The following PRR12 variants were observed in gnomAD, a reference collection of about 807,000 sequenced individuals.
PRR12 encodes the protein proline-rich protein 12.
In PRR12, 12 loss-of-function variants were observed where a neutral mutation model predicts 138.0. The ratio of observed to expected loss-of-function variants is 0.09; its 90% confidence interval spans 0.06 to 0.14. PRR12 has a LOEUF of 0.14. PRR12 is among the 10% of genes least tolerant of loss of function. The pLI, the probability that PRR12 is intolerant of heterozygous loss-of-function variation, is 1.00. For synonymous variants in PRR12, 1,567 were observed against 1,291.7 expected (o/e 1.21, Z -4.57); for missense variants, 2,692 against 2,861.3 (o/e 0.94, Z 1.35).
At chr19:49,621,902 C>CT in intron 11 of PRR12, 1 of 475,952 alleles carries the variant, frequency 2.1e-6, no homozygotes, top group South Asian at 2.6e-5. Flanking sequence ...CAAACATAGA[C>CT]TAGGCCTGCA....
chr19:49,603,825 T>C (rs145687380), intron 6 of PRR12, among the ~76,000 whole-genome samples: 1 of 152,100 alleles, frequency 6.6e-6, no homozygotes, highest in East Asian at 1.9e-4. Flanking sequence ...TACACTTTTT[T>C]CTTTTCTTTT....
At chr19:49,602,350 A>T (rs1214873052) in intron 6 of PRR12, among the ~76,000 whole-genome samples, 3 of 152,188 alleles carry the variant, frequency 2.0e-5, no homozygotes, top group Non-Finnish European at 4.4e-5. Flanking sequence ...AATGGTGGAA[A>T]TGTGTCATTG....
intron 5 of PRR12, among the ~76,000 whole-genome samples, chr19:49,600,167 A>C (rs2122311938): frequency 6.6e-6 from 1 of 152,310 alleles, no homozygotes; most frequent in East Asian, 1.9e-4. Flanking sequence ...CAAGGCAGAC[A>C]CTGGAGAATG....
At chr19:49,602,606 C>T (rs994577074) in intron 6 of PRR12, among the ~76,000 whole-genome samples, 14 of 152,252 alleles carry the variant, frequency 9.2e-5, no homozygotes, top group Admixed American at 4.6e-4. Context: ...GGCTGGAGTG[C>T]GATGGCTCAA....
At position 49,625,015 on chromosome 19, in the gene PRR12, A is replaced by C. The variant is rs749286125; in HGVS notation, c.5868+25A>C. On this transcript the variant is annotated intron_variant, in intron 12 of 13. Transcript: ENST00000418929. The surrounding 1 kb of genome is among the most constrained non-coding windows in gnomAD (Gnocchi z 5.5). ...GGTGGGCACTGGGGCTGGGGCTGGG[A>C]GTGGGGAGTGCTGGCGGTATGTGGG... 1 of 1,608,184 alleles carries C rather than the reference A, an allele frequency of 6.2e-7. No homozygotes were observed. Among genetic ancestry groups the C allele is most frequent in the Non-Finnish European group, 8.5e-7 (1 of 1,176,374 alleles).
chr19:49,600,449 G>A (rs1328868685), intron 5 of PRR12, among the ~76,000 whole-genome samples: 6 of 150,312 alleles, frequency 4.0e-5, no homozygotes, highest in Non-Finnish European at 8.9e-5. Flanking sequence ...TGAGAGGTGG[G>A]AGCTTACAGG....
rs780828362 is a variant in PRR12 at position 49,614,920 on chromosome 19, C to G, written c.4935C>G (p.Leu1645=). 6 of 1,613,958 alleles carry G rather than the reference C, an allele frequency of 3.7e-6. No individual in the cohort carries two copies. In the Admixed American group the frequency reaches 1.0e-4, roughly 27 times the overall value. The change falls in exon 8 of 14, where the codon CTC becomes CTG. Residue 1645 remains leucine, a synonymous_variant. Transcript: ENST00000418929. The surrounding 1 kb of genome is among the most constrained non-coding windows in gnomAD (Gnocchi z 5.0). The part of the protein sequence containing the change: ...FGDAKNRYQR[L]YVKFLENVNK... ...ATGCAAAAAATCGGTACCAGCGCCTCTATGTAAAGTTCCTGGAAAATGTCA... is the reference window on the plus strand; with the variant it reads ...ATGCAAAAAATCGGTACCAGCGCCTGTATGTAAAGTTCCTGGAAAATGTCA...
intron 6 of PRR12, among the ~76,000 whole-genome samples, chr19:49,611,649 C>T (rs1599796996): frequency 6.8e-6 from 1 of 146,234 alleles, no homozygotes; most frequent in Admixed American, 6.7e-5. Context: ...AAAGGCCGGG[C>T]GCGGTGGCTC....
In PRR12 at chr19:49,594,656, G is replaced by C. The variant is rs113017073; in HGVS notation, c.361+41G>C. 1 of 1,610,418 alleles carries C rather than the reference G, an allele frequency of 6.2e-7. No homozygotes were observed. The highest frequency in any genetic ancestry group is 1.3e-5 in the African/African-American group (1 of 74,878). ...GCCCTGCAGGGCCAGGGTGGGACTG[G>C]CTCGCTGTTCTCTCTGACGCGCGGT... On this transcript the variant is annotated intron_variant, in intron 3 of 13. Coordinates refer to ENST00000418929, the MANE Select transcript of PRR12 (RefSeq NM_020719.3). The surrounding 1 kb of genome is among the most constrained non-coding windows in gnomAD (Gnocchi z 5.6).
Position 49,625,779 on chromosome 19 carries a change from C to T in PRR12, c.*172C>T, listed in dbSNP as rs2122392081. The stretch of plus-strand genomic sequence containing the variant: ...GGGTTCAAAGTCCGACTCCCCCCCT[C>T]TCCCAAGCCCCCTCCACTCCCTCCC... On this transcript the variant is annotated 3_prime_UTR_variant, in exon 14 of 14. Transcript: ENST00000418929. The surrounding 1 kb of genome is among the most constrained non-coding windows in gnomAD (Gnocchi z 5.5). 1.4e-6 allele frequency: 1 copy of T among 717,604 alleles called. No homozygotes were observed. The highest frequency in any genetic ancestry group is 2.1e-6 in the Non-Finnish European group (1 of 481,330). The allele number at this position is 717,604 out of a possible 1,614,324, so 44.5% of individuals were successfully genotyped here. A position where few individuals can be genotyped will look rare whatever the true frequency, so the allele number is the denominator to read the frequency against.
At position 49,601,743 on chromosome 19, in the gene PRR12, C is replaced by A. The variant is rs764053078; in HGVS notation, c.4598C>A (p.Pro1533Gln). The A allele has an allele frequency of 3.2e-6, 5 of 1,557,052 alleles. No homozygotes were observed. Among genetic ancestry groups the A allele is most frequent in the Non-Finnish European group, 8.7e-7 (1 of 1,153,462 alleles). ...LAAPPEEPAA[P>Q]SPEDPELPDT... ...GCTCCTCCTGAGGAGCCCGCCGCCC[C>A]GTCTCCCGAAGACCCCGAGCTGCCG... is the stretch of plus-strand genomic sequence containing the variant. The change falls in exon 6 of 14, where the codon CCG becomes CAG. Residue 1533 changes from proline to glutamine, a missense_variant. By Grantham distance (76) the Pro-to-Gln change is moderately conservative. Around this residue, in one of 11 missense-constraint regions of PRR12, gnomAD observed 231 missense variants for 200.8 expected, o/e 1.15. Coordinates refer to ENST00000418929, the MANE Select transcript of PRR12 (RefSeq NM_020719.3).
chr19:49,593,390 T>A lies in PRR12; in HGVS notation c.150T>A (p.Tyr50Ter). 1 of 1,610,278 alleles carries A rather than the reference T, an allele frequency of 6.2e-7. No individual in the cohort carries two copies. ...PETDILHRQAYAAPHPLQSYA... is the reference protein window; with the variant it reads ...PETDILHRQA ...CGGACATCTTACACCGCCAGGCCTA[T>A]GCGGCCCCCCACCCACTGCAAAGCT... is the stretch of plus-strand genomic sequence containing the variant. The change falls in exon 2 of 14, where the codon TAT (tyrosine) becomes TAA (stop). Residue 50 changes from tyrosine (Y) to a stop codon, truncating the protein, a stop_gained. Transcript: ENST00000418929. LOFTEE classifies it high-confidence loss of function.
chr19:49,607,361 G>GCGCGCGCACACACA (rs1555742564), intron 6 of PRR12, among the ~76,000 whole-genome samples: 1 of 147,864 alleles, frequency 6.8e-6, no homozygotes, highest in South Asian at 2.1e-4. Context: ...ATGTACGTGT[G>GCGCGCGCACACACA]CACACACACA....
At chr19:49,603,428 C>T (rs563217205) in intron 6 of PRR12, among the ~76,000 whole-genome samples, 10 of 152,344 alleles carry the variant, frequency 6.6e-5, no homozygotes, top group South Asian at 2.1e-4. Context: ...TGGCGGTTCA[C>T]GCCTGTAATC....
Position 49,597,983 on chromosome 19 carries a change from C to T in PRR12, c.3648C>T (p.Gly1216=). 7.2e-7 allele frequency: 1 copy of T among 1,389,038 alleles called. No individual in the cohort carries two copies. Among genetic ancestry groups the T allele is most frequent in the Non-Finnish European group, 9.3e-7 (1 of 1,074,248 alleles). 86.0% of individuals were successfully genotyped at this position (1,389,038 alleles called of 1,614,324 possible). ...GTCGAAAGGCTGAGGAGGCAGGGGG[C>T]ACCCGGTTGGAGCCCCTGAAGCCAC... ...GRGRKAEEAG[G]TRLEPLKPLK... is the part of the protein sequence containing the mutation. The change falls in exon 4 of 14, where the codon GGC becomes GGT. Residue 1216 remains glycine (G), a synonymous_variant. Transcript: ENST00000418929. The surrounding 1 kb of genome is among the most constrained non-coding windows in gnomAD (Gnocchi z 6.3).
Position 49,596,616 on chromosome 19 carries a change from C to A in PRR12, c.2281C>A (p.Gln761Lys). Residue 761 changes from glutamine (Q) to lysine (K), a missense_variant, in exon 4 of 14, where the codon CAA becomes AAA. By Grantham distance (53) the Gln-to-Lys change is moderately conservative. Coordinates refer to ENST00000418929, the MANE Select transcript of PRR12 (RefSeq NM_020719.3). The surrounding 1 kb of genome is among the most constrained non-coding windows in gnomAD (Gnocchi z 5.6). ...AGAKELGAFLQKSPPPPPPTA... is the reference protein window; with the variant it reads ...AGAKELGAFLKKSPPPPPPTA... ...CGCCAAGGAGCTGGGGGCCTTCTTG[C>A]AAAAGAGCCCTCCGCCCCCACCTCC... 1 of 1,593,248 alleles carries A rather than the reference C, an allele frequency of 6.3e-7. No homozygotes were observed.
chr19:49,606,925 C>T (rs1321554061), intron 6 of PRR12, among the ~76,000 whole-genome samples: 1 of 152,046 alleles, frequency 6.6e-6, no homozygotes, highest in Non-Finnish European at 1.5e-5. Context: ...TCCAGAAAAA[C>T]AGCAATCCAA....
chr19:49,609,486 A>G (rs998502679), intron 6 of PRR12, among the ~76,000 whole-genome samples: 35 of 151,882 alleles, frequency 2.3e-4, no homozygotes, highest in African/African-American at 8.5e-4. Flanking sequence ...CTGTAATCCC[A>G]GCTACTCAGG....
In PRR12 at chr19:49,616,605, A is replaced by G. The variant is rs2080894716; in HGVS notation, c.5497+386A>G. Among the ~76,000 whole-genome samples the G allele has an allele frequency of 6.6e-6, 1 of 152,100 alleles. No homozygotes were observed. The highest frequency in any genetic ancestry group is 2.4e-5 in the African/African-American group (1 of 41,422). ...CATAATAGGCAAGATTTGAGGGCTG[A>G]GGAAGATGTGGGACTAGGCAGCTGT... On this transcript the variant is annotated intron_variant, in intron 9 of 13. Coordinates refer to ENST00000418929, the MANE Select transcript of PRR12 (RefSeq NM_020719.3). This position sits in a 1 kb window ranked among gnomAD's most constrained non-coding sequence, Gnocchi z 4.2.
Sources: gnomAD v4.1 joint callset for allele counts (sites outside exome capture counted in the v4.1 genomes callset) on GRCh38, gnomAD v4.1.1 for gene constraint, gnomAD v4.1.1 regional missense constraint, Gnocchi (gnomAD v3.1) non-coding constraint, MANE v1.5 for transcripts, NCBI Gene and HGNC (gene_info 2026-07-23, HGNC 2026-07-21) for gene names.